NID2: variants seen among roughly 807,000 people sequenced by gnomAD.
The protein encoded by NID2 is nidogen 2.
NID2 carries 83 observed loss-of-function variants against 145.4 expected under a neutral mutation model. The observed-to-expected ratio is 0.57, with a 90% CI of 0.48 to 0.69. NID2 has a LOEUF of 0.69. NID2 is among the 30% of genes least tolerant of loss of function. The pLI, the probability that NID2 is intolerant of heterozygous loss-of-function variation, is 0.00. For synonymous variants in NID2, 739 were observed against 701.3 expected, an observed-to-expected ratio of 1.05 and a Z score of -0.85; for missense variants, 1,807 against 1,765.7, an observed-to-expected ratio of 1.02 and a Z score of -0.42.
intron 2 of NID2, among the ~76,000 whole-genome samples, chr14:52,064,343 A>G (rs1893116822): frequency 6.6e-6 from 1 of 152,190 alleles, no homozygotes; most frequent in Non-Finnish European, 1.5e-5. Flanking sequence ...GAGAAGTCCA[A>G]AGTTGAGAGG....
chr14:52,040,240 CTCTT>C (rs915235186), intron 8 of NID2, among the ~76,000 whole-genome samples: 2 of 146,602 alleles, frequency 1.4e-5, no homozygotes, highest in Admixed American at 1.4e-4. Flanking sequence ...TGCACCTGGC[CTCTT>C]TCTGTGATTT....
intron 11 of NID2, among the ~76,000 whole-genome samples, chr14:52,027,635 C>CAT (rs751723617): frequency 5.9e-5 from 4 of 67,782 alleles, no homozygotes; most frequent in East Asian, 5.9e-4. Flanking sequence ...GCAATTGCTA[C>CAT]ACACACACAC....
chr14:52,048,036 G>C (rs1270194583), intron 5 of NID2, among the ~76,000 whole-genome samples: 1 of 152,192 alleles, frequency 6.6e-6, no homozygotes, highest in Non-Finnish European at 1.5e-5. Context: ...ACACCAATTG[G>C]TGTTGATAGA....
rs140959853 is a variant in NID2, at chr14:52,053,769, C to T, written c.1239G>A (p.Pro413=). Residue 413 remains proline (P), a synonymous_variant, in exon 5 of 22, where the codon CCG becomes CCA. Coordinates refer to ENST00000216286, the MANE Select transcript of NID2 (RefSeq NM_007361.4). The part of the protein sequence containing the change: ...SLAPSWETPP[P]YPENGSIQPY... ...GCTGGATGCTTCCGTTTTCGGGGTACGGTGGTGGGGTTTCCCAGGAAGGAG... is the reference window on the plus strand; with the variant it reads ...GCTGGATGCTTCCGTTTTCGGGGTATGGTGGTGGGGTTTCCCAGGAAGGAG... 6.4e-5 allele frequency: 103 copies of T among 1,614,080 alleles called. No individual in the cohort carries two copies. Among genetic ancestry groups the T allele is most frequent in the African/African-American group, 4.0e-4 (30 of 74,934 alleles).
At chr14:52,056,185 C>A (rs1892839997) in intron 3 of NID2, among the ~76,000 whole-genome samples, 1 of 151,988 alleles carries the variant, frequency 6.6e-6, no homozygotes. Context: ...AGAGGTGGTG[C>A]AACTATGAAA....
intron 16 of NID2, among the ~76,000 whole-genome samples, chr14:52,012,928 CT>C (rs1046381198): frequency 6.6e-5 from 10 of 152,174 alleles, no homozygotes; most frequent in African/African-American, 2.4e-4. Flanking sequence ...CTTACGCCCC[CT>C]GGGAGCGTAG....
At chr14:52,039,840 C>A (rs1366511435) in intron 8 of NID2, among the ~76,000 whole-genome samples, 1 of 152,208 alleles carries the variant, frequency 6.6e-6, no homozygotes, top group Non-Finnish European at 1.5e-5. Flanking sequence ...TATTAAGAGG[C>A]CTTTCCCTAT....
intron 12 of NID2, among the ~76,000 whole-genome samples, chr14:52,024,740 C>A (rs1327455686): frequency 6.6e-6 from 1 of 151,908 alleles, no homozygotes; most frequent in Non-Finnish European, 1.5e-5. Flanking sequence ...AGCAGAGAAC[C>A]AGAAATAAAA....
intron 19 of NID2, 174 bp from the exon 20 acceptor site, chr14:52,006,834 TAG>T (rs1175004999): frequency 1.1e-5 from 6 of 538,938 alleles, no homozygotes; most frequent in African/African-American, 5.7e-5. Flanking sequence ...CAGTTTTTAG[TAG>T]AGATTCAAAC....
Position 52,029,691 on chromosome 14 carries a change from C to T in NID2, c.2258-1G>A. On this transcript the variant is annotated splice_acceptor_variant, in intron 9 of 21. Coordinates refer to ENST00000216286, the MANE Select transcript of NID2 (RefSeq NM_007361.4). LOFTEE classifies it high-confidence loss of function. ...TTCCCCGGAGTGGGGTCTGAATCCTCTGCATGAGTAGAGGGGAAATAAAAG... is the reference window on the plus strand; with the variant it reads ...TTCCCCGGAGTGGGGTCTGAATCCTTTGCATGAGTAGAGGGGAAATAAAAG... The T allele has an allele frequency of 6.2e-7, 1 of 1,612,930 alleles. No homozygotes were observed. Among genetic ancestry groups the T allele is most frequent in the Non-Finnish European group, 8.5e-7 (1 of 1,179,096 alleles).
chr14:52,056,328 C>T (rs1286566249), intron 3 of NID2, among the ~76,000 whole-genome samples: 2 of 152,030 alleles, frequency 1.3e-5, no homozygotes, highest in Non-Finnish European at 2.9e-5. Context: ...TGTCATTATG[C>T]ATAATGGAAA....
Position 52,029,662 on chromosome 14 carries a change from A to C in NID2, c.2286T>G (p.Pro762=). The C allele has an allele frequency of 6.2e-7, 1 of 1,614,014 alleles. No individual in the cohort carries two copies. The highest frequency in any genetic ancestry group is 8.5e-7 in the Non-Finnish European group (1 of 1,179,868). The part of the protein sequence containing the change: ...KEDSDPTPGN[P]CYDGSHMCDT... Reference sequence around the variant, plus strand: ...CACACATGTGGCTCCCATCATAGCAAGGATTCCCCGGAGTGGGGTCTGAAT... The same window carrying C: ...CACACATGTGGCTCCCATCATAGCACGGATTCCCCGGAGTGGGGTCTGAAT... The change falls in exon 10 of 22, where the codon CCT becomes CCG. Residue 762 remains proline, a synonymous_variant. Transcript: ENST00000216286.
At chr14:52,007,646 T>C (rs894012795) in intron 19 of NID2, 164 bp downstream of exon 19, 27 of 687,434 alleles carry the variant, frequency 3.9e-5, no homozygotes, top group Admixed American at 1.5e-4. Flanking sequence ...AGAAAGTTCA[T>C]TTTAAGACTC....
intron 3 of NID2, 58 bp from the exon 4 acceptor site, chr14:52,054,379 C>G (rs759447930): frequency 1.3e-4 from 197 of 1,519,910 alleles, no homozygotes; most frequent in Non-Finnish European, 1.6e-4. Flanking sequence ...CATTCACCCA[C>G]CTTCCTAGAA....
intron 12 of NID2, among the ~76,000 whole-genome samples, chr14:52,024,762 G>A (rs1178202041): frequency 6.6e-6 from 1 of 152,112 alleles, no homozygotes; most frequent in African/African-American, 2.4e-5. Context: ...AGGGACAATT[G>A]AAAATGACAA....
chr14:52,044,266 CTTTTTTTT>C (rs55972168), intron 5 of NID2, among the ~76,000 whole-genome samples: 4 of 113,946 alleles, frequency 3.5e-5, no homozygotes, highest in East Asian at 2.6e-4. Flanking sequence ...ATTTAACAAC[CTTTTTTTT>C]TTTTTTTTTT....
intron 14 of NID2, among the ~76,000 whole-genome samples, chr14:52,016,393 T>C (rs1891215386): frequency 6.6e-6 from 1 of 152,170 alleles, no homozygotes; most frequent in South Asian, 2.1e-4. Context: ...CAGAAACTAA[T>C]AGAAACTGAG....
intron 5 of NID2, 125 bp from the exon 6 acceptor site, chr14:52,043,056 G>T: frequency 1.1e-6 from 1 of 879,874 alleles, no homozygotes. Flanking sequence ...TGATGTTTAA[G>T]AGACCGGCAT....
intron 2 of NID2, among the ~76,000 whole-genome samples, chr14:52,060,682 T>C (rs148617585): frequency 6.6e-6 from 1 of 152,366 alleles, no homozygotes; most frequent in East Asian, 1.9e-4. Flanking sequence ...ATGTAAACTC[T>C]TTCAGAGCTA....
Sources: allele counts gnomAD v4.1 joint callset (sites outside exome capture counted in the v4.1 genomes callset), GRCh38; gene constraint gnomAD v4.1.1; transcripts MANE v1.5; gene names NCBI Gene and HGNC (gene_info 2026-07-23, HGNC 2026-07-21).